The following TAB1 variants were observed in gnomAD, a reference collection of about 807,000 sequenced individuals.
TAB1 encodes TGF-beta activated kinase 1 (MAP3K7) binding protein 1.
TAB1 carries 30 observed loss-of-function variants against 54.5 expected under a neutral mutation model. The ratio of observed to expected loss-of-function variants is 0.55; its 90% CI spans 0.41 to 0.75. The LOEUF is 0.75. Among genes scored for constraint, TAB1 ranks in the 30% least tolerant of loss-of-function variants. The probability of loss-of-function intolerance (pLI) is 0.00; values close to 1 mark genes in which losing one functional copy is unlikely to be tolerated. For synonymous variants in TAB1, 289 were observed against 286.9 expected, an observed-to-expected ratio of 1.01 and a Z score of -0.07; for missense variants, 609 against 683.2, an observed-to-expected ratio of 0.89 and a Z score of 1.21.
intron 1 of TAB1, among the ~76,000 whole-genome samples, chr22:39,412,892 C>CCTTT (rs1555949271): frequency 3.3e-5 from 3 of 90,464 alleles, no homozygotes; most frequent in African/African-American, 1.3e-4. Context: ...TATCCTGCAA[C>CCTTT]TTTTTTTTTT....
rs772063736 is a variant in TAB1, at chr22:39,419,491, A to G, written c.665-28A>G. On this transcript the variant is annotated intron_variant, in intron 6 of 10. Coordinates refer to ENST00000216160, the MANE Select transcript of TAB1 (RefSeq NM_006116.3). Reference sequence around the variant, plus strand: ...TTGTTCCTCTTTGTGAACAAGAAGCAGGATTGTTGCACTGTTTCCCTCCGT... The same window carrying G: ...TTGTTCCTCTTTGTGAACAAGAAGCGGGATTGTTGCACTGTTTCCCTCCGT... 7 of 1,538,978 alleles carry G rather than the reference A, an allele frequency of 4.5e-6. No homozygotes were observed. The South Asian group carries it at 5.7e-5, about 13-fold the overall frequency.
At chr22:39,411,457 A>G (rs1926602198) in intron 1 of TAB1, among the ~76,000 whole-genome samples, 1 of 152,234 alleles carries the variant, frequency 6.6e-6, no homozygotes, top group African/African-American at 2.4e-5. Context: ...ACCAAAGAGG[A>G]TGAGTTGGTG....
rs567476522 is a variant in TAB1, at chr22:39,416,865, G to A, written c.399G>A (p.Ser133=). Residue 133 remains serine, a synonymous_variant, in exon 4 of 11, where the codon TCG becomes TCA. Coordinates refer to ENST00000216160, the MANE Select transcript of TAB1 (RefSeq NM_006116.3). ...DALAEKASLQ[S]QLPEGVPQHQ... is the part of the protein sequence containing the mutation. ...TGGCTGAGAAGGCAAGCCTCCAGTC[G>A]CAATTGCCAGAGGTAATTTCCCCAG... 12 of 1,614,166 alleles carry A rather than the reference G, an allele frequency of 7.4e-6. No individual in the cohort carries two copies. Among genetic ancestry groups the A allele is most frequent in the East Asian group, 2.2e-5 (1 of 44,886 alleles).
intron 1 of TAB1, among the ~76,000 whole-genome samples, chr22:39,402,131 G>C (rs1297332030): frequency 6.6e-6 from 1 of 152,042 alleles, no homozygotes; most frequent in Non-Finnish European, 1.5e-5. Flanking sequence ...GAGGAGAGGA[G>C]GGCCATTCCA....
chr22:39,430,021 CCCGA>C lies in TAB1; in HGVS notation c.1317_1320del (p.Thr440Ter), dbSNP rs1568988185. 1 of 1,613,088 alleles carries C rather than the reference CCCGA, an allele frequency of 6.2e-7. No individual in the cohort carries two copies. Among genetic ancestry groups the C allele is most frequent in the Non-Finnish European group, 8.5e-7 (1 of 1,180,002 alleles). ...CTCCCCTGTTGTCCTGCAGCCAAAG[CCCGA>C]CCTTAACCCTGCAGTCCACCAACAC... On this transcript the variant is annotated frameshift_variant, in exon 11 of 11. Coordinates refer to ENST00000216160, the MANE Select transcript of TAB1 (RefSeq NM_006116.3). LOFTEE classifies it high-confidence loss of function.
At chr22:39,429,782 C>G (rs1216023516) in intron 10 of TAB1, 3 of 982,020 alleles carry the variant, frequency 3.1e-6, no homozygotes, top group Non-Finnish European at 3.6e-6. Flanking sequence ...GCGCCCAGCC[C>G]CATTTTCTTT....
chr22:39,436,631 G>T (rs1205712016), downstream of TAB1: 3 of 1,370,380 alleles, frequency 2.2e-6, no homozygotes, highest in East Asian at 2.3e-5. Flanking sequence ...GGGTTTTGTC[G>T]CCTGGTCTGA....
chr22:39,400,058 C>T (rs1416439241), intron 1 of TAB1, among the ~76,000 whole-genome samples: 1 of 152,142 alleles, frequency 6.6e-6, no homozygotes, highest in East Asian at 1.9e-4. Context: ...GGGCTGTGGG[C>T]TGCTGCTGCC....
chr22:39,428,876 G>C (rs888773862), intron 10 of TAB1, among the ~76,000 whole-genome samples: 36 of 152,268 alleles, frequency 2.4e-4, no homozygotes, highest in African/African-American at 8.7e-4. Context: ...TGCCCCATCA[G>C]GGGGCCTTCC....
intron 1 of TAB1, chr22:39,414,734 C>T (rs1486958470): frequency 6.4e-5 from 26 of 405,258 alleles, no homozygotes; most frequent in South Asian, 3.8e-4. Flanking sequence ...GGTTTCATAA[C>T]GGCTCACTCC....
At chr22:39,405,876 C>A (rs114625676) in intron 1 of TAB1, among the ~76,000 whole-genome samples, 3 of 152,180 alleles carry the variant, frequency 2.0e-5, no homozygotes, top group Non-Finnish European at 4.4e-5. Context: ...CTTGGTAGAA[C>A]CTCCTGAGGT....
intron 1 of TAB1, chr22:39,414,672 G>GA: frequency 3.5e-6 from 1 of 286,426 alleles, no homozygotes. Context: ...TAAGAGGTGG[G>GA]GTCCCCAGAG....
At chr22:39,409,791 G>A (rs1026874226) in intron 1 of TAB1, among the ~76,000 whole-genome samples, 25 of 152,086 alleles carry the variant, frequency 1.6e-4, no homozygotes, top group Admixed American at 8.5e-4. Context: ...AGCACGTAGC[G>A]CTGTCTGAGA....
chr22:39,431,808 G>T lies in TAB1; in HGVS notation c.*1586G>T. The T allele has an allele frequency of 1.0e-6, 1 of 985,470 alleles. No individual in the cohort carries two copies. Among genetic ancestry groups the T allele is most frequent in the Non-Finnish European group, 1.2e-6 (1 of 829,940 alleles). 61.0% of individuals were successfully genotyped at this position (985,470 alleles called of 1,614,324 possible). A position where few individuals can be genotyped will look rare whatever the true frequency, so the allele number is the denominator to read the frequency against. On this transcript the variant is annotated 3_prime_UTR_variant, in exon 11 of 11. Transcript: ENST00000216160. ...AAGAATGCCTCTGTGGTGCTGTTTG[G>T]TCTCTAGAAACAGGGTCACTTTTTT...
intron 8 of TAB1, among the ~76,000 whole-genome samples, chr22:39,424,513 C>T (rs949112422): frequency 4.9e-5 from 7 of 142,410 alleles, no homozygotes; most frequent in Non-Finnish European, 7.5e-5. Context: ...GGTGCAATCT[C>T]GGCTCACTGT....
At chr22:39,432,211 G>T (rs1181196205), downstream of TAB1, among the ~76,000 whole-genome samples, 9 of 152,254 alleles carry the variant, frequency 5.9e-5, no homozygotes, top group Non-Finnish European at 1.0e-4. Flanking sequence ...ACTCTGCTGA[G>T]AGTGAGCCTA....
At chr22:39,406,044 T>C (rs1926347282) in intron 1 of TAB1, among the ~76,000 whole-genome samples, 1 of 152,140 alleles carries the variant, frequency 6.6e-6, no homozygotes, top group Non-Finnish European at 1.5e-5. Context: ...ACTTGTAACA[T>C]ACCAACTCCA....
Position 39,399,849 on chromosome 22 carries a change from C to G in TAB1, c.33+14C>G, listed in dbSNP as rs963663138. On this transcript the variant is annotated intron_variant, in intron 1 of 10. Coordinates refer to ENST00000216160, the MANE Select transcript of TAB1 (RefSeq NM_006116.3). ...TTGCTGCAGAGTGTGAGGAACAGGC[C>G]CGCTCTCTGGGCTTGGGGTTGGGAG... 3 of 1,593,252 alleles carry G rather than the reference C, an allele frequency of 1.9e-6. No homozygotes were observed. The highest frequency in any genetic ancestry group is 2.6e-6 in the Non-Finnish European group (3 of 1,170,344).
At position 39,428,032 on chromosome 22, in the gene TAB1, C is replaced by A; in HGVS notation, c.1156C>A (p.Arg386=). ...TCTTCCTCCCAAAGCTGCAGGAGGA[C>A]GAGTGTACCCTGTGTCTGTGCCATA... ...TPSPAPAAGG[R]VYPVSVPYSS... Residue 386 remains arginine (R), a synonymous_variant, in exon 10 of 11, where the codon CGA becomes AGA. Transcript: ENST00000216160. The A allele has an allele frequency of 6.3e-7, 1 of 1,597,322 alleles. No individual in the cohort carries two copies.
Sources: allele counts gnomAD v4.1 joint callset (sites outside exome capture counted in the v4.1 genomes callset), GRCh38; gene constraint gnomAD v4.1.1; transcripts MANE v1.5; gene names NCBI Gene and HGNC (gene_info 2026-07-23, HGNC 2026-07-21).